ADAMTS19: variants seen among roughly 807,000 people sequenced by gnomAD.
ADAMTS19 encodes the protein A disintegrin and metalloproteinase with thrombospondin motifs 19.
ADAMTS19 carries 93 observed loss-of-function variants against 153.3 expected under a neutral mutation model. The ratio of observed to expected loss-of-function variants is 0.61; its 90% confidence interval spans 0.51 to 0.72. ADAMTS19 has a LOEUF of 0.72. ADAMTS19 is among the 30% of genes least tolerant of loss of function. The pLI is 0.00. For missense variants in ADAMTS19, 1,482 were observed against 1,552.1 expected (o/e 0.95, Z 0.76); for synonymous variants, 600 against 556.6 (o/e 1.08, Z -1.10).
intron 8 of ADAMTS19, among the ~76,000 whole-genome samples, chr5:129,597,922 GA>G (rs1347020047): frequency 3.3e-5 from 5 of 149,742 alleles, no homozygotes; most frequent in Admixed American, 1.3e-4. Context: ...AAGAAAAAAA[GA>G]AAAAAAAGAA....
chr5:129,620,288 A>C (rs1239720489), intron 8 of ADAMTS19, among the ~76,000 whole-genome samples: 1 of 152,052 alleles, frequency 6.6e-6, no homozygotes, highest in Non-Finnish European at 1.5e-5. Context: ...GTTAAACATA[A>C]ATGTATTATT....
At chr5:129,706,026 G>A (rs147128307) in intron 21 of ADAMTS19, among the ~76,000 whole-genome samples, 72 of 152,252 alleles carry the variant, frequency 4.7e-4, no homozygotes, top group African/African-American at 1.7e-3. Context: ...GTTCTTTAGT[G>A]TATATGTATA....
intron 3 of ADAMTS19, among the ~76,000 whole-genome samples, chr5:129,517,827 G>C (rs900871687): frequency 6.6e-6 from 1 of 151,756 alleles, no homozygotes; most frequent in African/African-American, 2.4e-5. Flanking sequence ...CTGCCATTTT[G>C]TTATTTGTTT....
At chr5:129,573,921 C>A (rs981285965) in intron 7 of ADAMTS19, among the ~76,000 whole-genome samples, 4 of 151,956 alleles carry the variant, frequency 2.6e-5, no homozygotes, top group Admixed American at 6.6e-5. Context: ...AATTTAGAAA[C>A]CCCCCAAAGT....
chr5:129,546,145 C>A (rs1752845632), intron 6 of ADAMTS19, among the ~76,000 whole-genome samples: 1 of 147,540 alleles, frequency 6.8e-6, no homozygotes, highest in Non-Finnish European at 1.5e-5. Context: ...AACAAAAAAC[C>A]AAACACCGCA....
intron 14 of ADAMTS19, among the ~76,000 whole-genome samples, chr5:129,658,351 A>G (rs144309827): frequency 0.017 from 2,265 of 133,092 alleles, 165 homozygotes; most frequent in African/African-American, 0.054. Flanking sequence ...GAAAGAAAGA[A>G]AGAAAGAAAG....
chr5:129,656,787 C>T (rs1181469238), intron 14 of ADAMTS19, among the ~76,000 whole-genome samples: 1 of 152,094 alleles, frequency 6.6e-6, no homozygotes, highest in Non-Finnish European at 1.5e-5. Flanking sequence ...ATTTACAGAC[C>T]TTGTAATATC....
intron 3 of ADAMTS19, among the ~76,000 whole-genome samples, chr5:129,516,972 C>T (rs1385884008): frequency 6.9e-6 from 1 of 145,858 alleles, no homozygotes; most frequent in Non-Finnish European, 1.5e-5. Flanking sequence ...TTTTGGTATG[C>T]TTTGTTTCCA....
intron 2 of ADAMTS19, among the ~76,000 whole-genome samples, chr5:129,484,838 A>G (rs531770431): frequency 6.6e-6 from 1 of 152,228 alleles, no homozygotes; most frequent in South Asian, 2.1e-4. Flanking sequence ...ATTGTTCTTC[A>G]TGGTGATTAT....
At chr5:129,532,541 A>C (rs1424142463) in intron 6 of ADAMTS19, among the ~76,000 whole-genome samples, 2 of 152,222 alleles carry the variant, frequency 1.3e-5, no homozygotes, top group African/African-American at 4.8e-5. Flanking sequence ...GTTTCTTATA[A>C]AGTTAAACAT....
Position 129,461,445 on chromosome 5 carries a change from G to C in ADAMTS19, c.435G>C (p.Ser145=). The C allele has an allele frequency of 7.0e-7, 1 of 1,435,638 alleles. No homozygotes were observed. Among genetic ancestry groups the C allele is most frequent in the Non-Finnish European group, 9.0e-7 (1 of 1,105,062 alleles). 88.9% of individuals were successfully genotyped at this position (1,435,638 alleles called of 1,614,324 possible). Residue 145 remains serine, a synonymous_variant, in exon 2 of 23, where the codon TCG becomes TCC. Coordinates refer to ENST00000274487, the MANE Select transcript of ADAMTS19 (RefSeq NM_133638.6). The surrounding 1 kb of genome is among the most constrained non-coding windows in gnomAD (Gnocchi z 4.6). ...CCTTGTCCCCGGGCGCCCCGGCCTCGTGGCAGCCGCCGCCTCCCCCGCAGC... is the reference window on the plus strand; with the variant it reads ...CCTTGTCCCCGGGCGCCCCGGCCTCCTGGCAGCCGCCGCCTCCCCCGCAGC... The part of the protein sequence containing the change: ...AAALSPGAPA[S]WQPPPPPQPP...
intron 7 of ADAMTS19, among the ~76,000 whole-genome samples, chr5:129,584,664 A>T (rs1749694477): frequency 6.6e-6 from 1 of 152,124 alleles, no homozygotes; most frequent in Non-Finnish European, 1.5e-5. Flanking sequence ...GGCTATGCTG[A>T]GTTTGAACTT....
intron 21 of ADAMTS19, among the ~76,000 whole-genome samples, chr5:129,707,785 C>T (rs1756233961): frequency 6.6e-6 from 1 of 152,120 alleles, no homozygotes; most frequent in Non-Finnish European, 1.5e-5. Context: ...TTTAAAGTGT[C>T]AATACTAAAG....
chr5:129,513,750 A>G (rs564763969), intron 3 of ADAMTS19, among the ~76,000 whole-genome samples: 3 of 152,196 alleles, frequency 2.0e-5, no homozygotes, highest in Admixed American at 6.6e-5. Flanking sequence ...CAAATGGGGT[A>G]TCCATCCCCT....
At chr5:129,569,285 T>C (rs1166335958) in intron 7 of ADAMTS19, among the ~76,000 whole-genome samples, 1 of 152,090 alleles carries the variant, frequency 6.6e-6, no homozygotes, top group Non-Finnish European at 1.5e-5. Flanking sequence ...CAAAAAGATA[T>C]AGTAGTTTAA....
Position 129,477,631 on chromosome 5 carries a change from A to G in ADAMTS19, c.747+15874A>G, listed in dbSNP as rs141625343. On this transcript the variant is annotated intron_variant, in intron 2 of 22. Coordinates refer to ENST00000274487, the MANE Select transcript of ADAMTS19 (RefSeq NM_133638.6). ...CATTAATATGGTTTAAAAGGTCTCC[A>G]AAGCATTTGCCTATAGTTAGCTCTG... is the stretch of plus-strand genomic sequence containing the variant. Among the ~76,000 whole-genome samples the G allele has an allele frequency of 3.7e-3, 559 of 152,324 alleles. 4 individuals carry two copies. Among genetic ancestry groups the G allele is most frequent in the Admixed American group, 7.1e-3 (109 of 15,298 alleles).
chr5:129,489,293 AG>A (rs1750691853), intron 2 of ADAMTS19, among the ~76,000 whole-genome samples: 2 of 152,256 alleles, frequency 1.3e-5, no homozygotes, highest in African/African-American at 4.8e-5. Flanking sequence ...GTGATCAACA[AG>A]TCTTAGTAGT....
chr5:129,629,022 C>G (rs537855476), intron 10 of ADAMTS19, among the ~76,000 whole-genome samples: 1 of 152,152 alleles, frequency 6.6e-6, no homozygotes, highest in South Asian at 2.1e-4. Context: ...CTTCAATTGG[C>G]TCTATGTGGA....
Position 129,562,855 on chromosome 5 carries a change from A to G in ADAMTS19, c.1372+10948A>G, listed in dbSNP as rs547316702. ...CTGACTCTCCAGGCATTCTATGGAA[A>G]CTTAGTTGCTTCAACATCCTAACTT... On this transcript the variant is annotated intron_variant, in intron 7 of 22. Coordinates refer to ENST00000274487, the MANE Select transcript of ADAMTS19 (RefSeq NM_133638.6). Among the ~76,000 whole-genome samples, 142 of 151,936 alleles carry G rather than the reference A, an allele frequency of 9.3e-4. 1 individual carries two copies. The highest frequency in any genetic ancestry group is 3.0e-3 in the African/African-American group (126 of 41,444).
Sources: allele counts gnomAD v4.1 joint callset (sites outside exome capture counted in the v4.1 genomes callset), GRCh38; gene constraint gnomAD v4.1.1; non-coding constraint Gnocchi (gnomAD v3.1); transcripts MANE v1.5; gene names NCBI Gene and HGNC (gene_info 2026-07-23, HGNC 2026-07-21).